ATRNL1: variants seen among roughly 807,000 people sequenced by gnomAD.
ATRNL1 encodes the protein attractin like 1.
In ATRNL1, 95 loss-of-function variants were observed where a neutral mutation model predicts 182.7. The observed-to-expected ratio is 0.52, with a 90% CI of 0.44 to 0.62. ATRNL1 has a LOEUF of 0.62. Ranked by LOEUF, ATRNL1 falls within the 20% of genes least tolerant of loss-of-function variation. The pLI, the probability that ATRNL1 is intolerant of heterozygous loss-of-function variation, is 0.00. For missense variants in ATRNL1, 1,471 were observed against 1,679.5 expected (o/e 0.88, Z 2.17); for synonymous variants, 576 against 568.3 (o/e 1.01, Z -0.19).
chr10:115,898,240 G>A (rs1555112953), intron 28 of ATRNL1, among the ~76,000 whole-genome samples: 1 of 152,112 alleles, frequency 6.6e-6, no homozygotes, highest in African/African-American at 2.4e-5. Flanking sequence ...TTATTTCTTT[G>A]ATAGGTAGGT....
chr10:115,152,437 T>C (rs1434188732), intron 5 of ATRNL1, among the ~76,000 whole-genome samples: 3 of 152,196 alleles, frequency 2.0e-5, no homozygotes, highest in Admixed American at 6.5e-5. Flanking sequence ...TCACATCCCT[T>C]GTAAGTTGGA....
At chr10:115,271,644 T>C (rs1851873012) in intron 13 of ATRNL1, among the ~76,000 whole-genome samples, 1 of 152,204 alleles carries the variant, frequency 6.6e-6, no homozygotes, top group Non-Finnish European at 1.5e-5. Flanking sequence ...ATAGACTGGA[T>C]TATACATATA....
intron 26 of ATRNL1, among the ~76,000 whole-genome samples, chr10:115,587,921 A>C (rs1333725640): frequency 1.4e-4 from 22 of 152,254 alleles, no homozygotes; most frequent in African/African-American, 5.1e-4. Context: ...AAAGGAGAGG[A>C]GAGGAGTTTA....
chr10:115,757,136 T>G (rs1192655326), intron 27 of ATRNL1, among the ~76,000 whole-genome samples: 1 of 152,182 alleles, frequency 6.6e-6, no homozygotes, highest in Non-Finnish European at 1.5e-5. Flanking sequence ...TGTCTTTTAA[T>G]TAGGGCATTT....
At chr10:115,328,061 A>G (rs868939061) in intron 18 of ATRNL1, among the ~76,000 whole-genome samples, 6 of 152,230 alleles carry the variant, frequency 3.9e-5, no homozygotes, top group Middle Eastern at 6.8e-3. Context: ...CATTGTGCAC[A>G]TGTACCCTAA....
At chr10:115,561,184 C>A (rs565231629) in intron 26 of ATRNL1, among the ~76,000 whole-genome samples, 1 of 152,056 alleles carries the variant, frequency 6.6e-6, no homozygotes, top group Non-Finnish European at 1.5e-5. Context: ...TTAAAAGACA[C>A]CATGAAGAAA....
chr10:115,847,804 G>A (rs1290305556), intron 27 of ATRNL1, 73 bp from the exon 28 acceptor site: 1 of 797,786 alleles, frequency 1.3e-6, no homozygotes, highest in Non-Finnish European at 2.2e-6. Context: ...CTACCTAAAG[G>A]ATAGATAAGG....
chr10:115,195,976 T>C (rs1848345052), intron 8 of ATRNL1, among the ~76,000 whole-genome samples: 1 of 152,042 alleles, frequency 6.6e-6, no homozygotes, highest in Non-Finnish European at 1.5e-5. Flanking sequence ...AATTTTCATA[T>C]ATTGTGCGAA....
At position 115,938,332 on chromosome 10, in the gene ATRNL1, A is replaced by T. The variant is rs142664549; in HGVS notation, c.4019-6326A>T. ...CTGATGTTTCTCCTTGGTGGTTTTC[A>T]TTGCAAATTTAGTGGTTTAAAAAGA... On this transcript the variant is annotated intron_variant, in intron 28 of 28. Coordinates refer to ENST00000355044, the MANE Select transcript of ATRNL1 (RefSeq NM_207303.4). Among the ~76,000 whole-genome samples the T allele has an allele frequency of 2.5e-3, 380 of 152,316 alleles. 3 individuals carry two copies. The highest frequency in any genetic ancestry group is 8.4e-3 in the African/African-American group (350 of 41,572).
intron 28 of ATRNL1, among the ~76,000 whole-genome samples, chr10:115,896,043 C>T (rs1952198949): frequency 6.6e-6 from 1 of 152,172 alleles, no homozygotes; most frequent in Admixed American, 6.6e-5. Context: ...GCCCAGTTAG[C>T]GTCTTCTGTG....
intron 26 of ATRNL1, among the ~76,000 whole-genome samples, chr10:115,670,480 A>G (rs1555041039): frequency 6.6e-6 from 1 of 152,138 alleles, no homozygotes; most frequent in Admixed American, 6.6e-5. Flanking sequence ...AATATTTCAC[A>G]ATATATGAGA....
chr10:115,450,908 A>C (rs1323804042), intron 21 of ATRNL1, among the ~76,000 whole-genome samples: 2 of 152,100 alleles, frequency 1.3e-5, no homozygotes, highest in Non-Finnish European at 2.9e-5. Flanking sequence ...AAACAGCATG[A>C]TACTGGTACA....
intron 28 of ATRNL1, among the ~76,000 whole-genome samples, chr10:115,887,296 A>G (rs1450121349): frequency 6.9e-6 from 1 of 145,072 alleles, no homozygotes; most frequent in Non-Finnish European, 1.5e-5. Flanking sequence ...GCTATTACAA[A>G]ATATTACAAA....
chr10:115,206,967 C>G (rs1467261049), intron 8 of ATRNL1, among the ~76,000 whole-genome samples: 2 of 152,100 alleles, frequency 1.3e-5, no homozygotes, highest in African/African-American at 4.8e-5. Flanking sequence ...CGATAGTTTG[C>G]TGAGAATGAT....
intron 13 of ATRNL1, among the ~76,000 whole-genome samples, chr10:115,268,822 G>A (rs1220798806): frequency 2.0e-5 from 3 of 152,196 alleles, no homozygotes; most frequent in African/African-American, 2.4e-5. Flanking sequence ...ATTAGTGGTC[G>A]TGTGGTCTAG....
At chr10:115,347,688 AATT>A in intron 19 of ATRNL1, among the ~76,000 whole-genome samples, 1 of 152,194 alleles carries the variant, frequency 6.6e-6, no homozygotes, top group African/African-American at 2.4e-5. Flanking sequence ...CATTATTGTC[AATT>A]ATTATTATAT....
At chr10:115,495,961 G>A (rs1168558699) in intron 24 of ATRNL1, among the ~76,000 whole-genome samples, 1 of 152,052 alleles carries the variant, frequency 6.6e-6, no homozygotes, top group Non-Finnish European at 1.5e-5. Flanking sequence ...ATGTACATCT[G>A]TTTATATGTC....
chr10:115,232,603 G>A (rs1405977323), intron 9 of ATRNL1, among the ~76,000 whole-genome samples: 1 of 151,944 alleles, frequency 6.6e-6, no homozygotes, highest in African/African-American at 2.4e-5. Flanking sequence ...TTTGTGTCTT[G>A]CTTAAATAAT....
At chr10:115,867,728 G>C (rs1275035256) in intron 28 of ATRNL1, among the ~76,000 whole-genome samples, 3 of 58,642 alleles carry the variant, frequency 5.1e-5, no homozygotes, top group Non-Finnish European at 7.2e-5. Flanking sequence ...GCCACCCTGT[G>C]AATTTTTTTT....
Sources: gnomAD v4.1 joint callset for allele counts (sites outside exome capture counted in the v4.1 genomes callset) on GRCh38, gnomAD v4.1.1 for gene constraint, MANE v1.5 for transcripts, NCBI Gene and HGNC (gene_info 2026-07-23, HGNC 2026-07-21) for gene names.